NRG1: variants seen among roughly 807,000 people sequenced by gnomAD.
NRG1 encodes the protein neuregulin 1.
A neutral mutation model predicts 63.8 loss-of-function variants in NRG1; 18 were observed. That is an observed-to-expected ratio of 0.28 (90% CI 0.19 to 0.42). The LOEUF is 0.42. Among genes scored for constraint, NRG1 ranks in the 10% least tolerant of loss-of-function variants. NRG1 has a pLI of 1.00. For synonymous variants in NRG1, 302 were observed against 301.3 expected (o/e 1.00, Z -0.02); for missense variants, 762 against 814.7 (o/e 0.94, Z 0.79).
chr8:31,658,020 G>A (rs1268042567), intron 1 of NRG1, among the ~76,000 whole-genome samples: 1 of 152,186 alleles, frequency 6.6e-6, no homozygotes, highest in Non-Finnish European at 1.5e-5. Context: ...AGTGCCTATA[G>A]GTAGATGAGT....
intron 1 of NRG1, among the ~76,000 whole-genome samples, chr8:32,398,124 A>G (rs989247641): frequency 1.3e-5 from 2 of 152,244 alleles, no homozygotes; most frequent in Middle Eastern, 3.2e-3. Context: ...ACTATTTCAC[A>G]GAATTTCCTT....
chr8:32,293,239 C>G lies in NRG1; in HGVS notation c.38-302589C>G, dbSNP rs994673854. Reference sequence around the variant, plus strand: ...TAGTTAAGGATCCCCAGAGGAGGAGCTTAATCTAAATTATGAATGTAGTAA... The same window carrying G: ...TAGTTAAGGATCCCCAGAGGAGGAGGTTAATCTAAATTATGAATGTAGTAA... On this transcript the variant is annotated intron_variant, in intron 1 of 10. Coordinates refer to the NRG1 transcript ENST00000519301. 1.1e-4 allele frequency among the ~76,000 whole-genome samples: 16 copies of G among 152,212 alleles called. No individual in the cohort carries two copies. In the East Asian group the frequency reaches 2.5e-3, roughly 24 times the overall value.
intron 5 of NRG1, among the ~76,000 whole-genome samples, chr8:32,713,061 T>A (rs1818207714): frequency 6.6e-6 from 1 of 152,178 alleles, no homozygotes; most frequent in Non-Finnish European, 1.5e-5. Context: ...AGTCATCTTT[T>A]CTCTTTCGAC....
rs185036312 is a variant in NRG1, at chr8:32,345,751, T to G, written c.38-250077T>G. Among the ~76,000 whole-genome samples, 266 of 152,066 alleles carry G rather than the reference T, an allele frequency of 1.7e-3. 3 individuals carry two copies. The Middle Eastern group carries it at 0.024, about 14-fold the overall frequency. On this transcript the variant is annotated intron_variant, in intron 1 of 10. Transcript: ENST00000519301. ...TAGCGAGACTGAGGCGGGTGGATCA[T>G]TTGAGGTCAGGAGTTCGAGACCAGC...
intron 1 of NRG1, among the ~76,000 whole-genome samples, chr8:32,172,001 G>T (rs1015518379): frequency 1.3e-5 from 2 of 152,106 alleles, no homozygotes; most frequent in African/African-American, 4.8e-5. Flanking sequence ...GAGAGTAGTG[G>T]TTCTCCCAGC....
At chr8:31,856,053 CT>C (rs1263752847) in intron 1 of NRG1, among the ~76,000 whole-genome samples, 2 of 151,214 alleles carry the variant, frequency 1.3e-5, no homozygotes, top group African/African-American at 4.9e-5. Context: ...ACATTTTTTC[CT>C]TCATTTCAAC....
intron 1 of NRG1, among the ~76,000 whole-genome samples, chr8:31,794,866 A>T (rs1821053402): frequency 6.6e-6 from 1 of 152,106 alleles, no homozygotes; most frequent in Admixed American, 6.6e-5. Flanking sequence ...GCAGCAGCAC[A>T]ATCTCAGCTC....
intron 5 of NRG1, among the ~76,000 whole-genome samples, chr8:32,645,989 G>T (rs1048562061): frequency 2.0e-5 from 3 of 152,182 alleles, no homozygotes; most frequent in African/African-American, 7.2e-5. Context: ...AGTACTTTCA[G>T]TGCGGTGATA....
intron 1 of NRG1, among the ~76,000 whole-genome samples, chr8:32,399,719 G>A (rs904241569): frequency 1.2e-4 from 18 of 152,130 alleles, no homozygotes; most frequent in Admixed American, 5.2e-4. Context: ...AAAAGTTTTG[G>A]GTGAAAAGTA....
intron 1 of NRG1, among the ~76,000 whole-genome samples, chr8:31,921,879 G>T (rs1585779367): frequency 6.6e-6 from 1 of 151,996 alleles, no homozygotes; most frequent in Non-Finnish European, 1.5e-5. Context: ...TACATAATAT[G>T]CATGTCCCCT....
At chr8:32,517,572 T>C (rs1462437644) in intron 1 of NRG1, among the ~76,000 whole-genome samples, 1 of 152,148 alleles carries the variant, frequency 6.6e-6, no homozygotes, top group Admixed American at 6.6e-5. Context: ...TTAATAAGTA[T>C]TACATGTCTA....
chr8:32,633,746 G>A (rs560647742), intron 5 of NRG1, among the ~76,000 whole-genome samples: 4 of 152,162 alleles, frequency 2.6e-5, no homozygotes, highest in African/African-American at 9.6e-5. Flanking sequence ...TCTTTCCCCA[G>A]TGCCTTCCTT....
intron 1 of NRG1, among the ~76,000 whole-genome samples, chr8:32,065,857 G>A (rs1824708841): frequency 1.3e-5 from 2 of 152,184 alleles, no homozygotes. Flanking sequence ...GTTGTTTACT[G>A]ACTTTTTAAT....
chr8:32,678,595 A>G (rs1409968325), intron 5 of NRG1, among the ~76,000 whole-genome samples: 1 of 152,214 alleles, frequency 6.6e-6, no homozygotes, highest in East Asian at 1.9e-4. Flanking sequence ...CTCTCATTAT[A>G]TACAAGGCTT....
At chr8:32,198,715 A>C (rs1366830165) in intron 1 of NRG1, among the ~76,000 whole-genome samples, 1 of 152,180 alleles carries the variant, frequency 6.6e-6, no homozygotes, top group African/African-American at 2.4e-5. Flanking sequence ...TCATATCCAA[A>C]GCTCTAATCA....
At chr8:31,880,205 T>C (rs1407001061) in intron 1 of NRG1, among the ~76,000 whole-genome samples, 1 of 152,160 alleles carries the variant, frequency 6.6e-6, no homozygotes, top group Non-Finnish European at 1.5e-5. Context: ...TCAAATGTAT[T>C]CATGACATAA....
At chr8:32,106,974 G>A (rs921491506) in intron 1 of NRG1, among the ~76,000 whole-genome samples, 1 of 152,140 alleles carries the variant, frequency 6.6e-6, no homozygotes, top group African/African-American at 2.4e-5. Context: ...TGTAATCCCA[G>A]TACTTTGCCC....
intron 1 of NRG1, among the ~76,000 whole-genome samples, chr8:32,283,658 A>T (rs1431731593): frequency 6.6e-6 from 1 of 152,196 alleles, no homozygotes; most frequent in Non-Finnish European, 1.5e-5. Flanking sequence ...TTTTTCTTCT[A>T]TTAGAGTTTC....
chr8:32,411,060 G>C (rs918374136), intron 1 of NRG1, among the ~76,000 whole-genome samples: 11 of 152,182 alleles, frequency 7.2e-5, no homozygotes, highest in African/African-American at 2.6e-4. Context: ...GTTTGTAGTA[G>C]AGACAGGGTT....
Sources: gnomAD v4.1 joint callset for allele counts (sites outside exome capture counted in the v4.1 genomes callset) on GRCh38, gnomAD v4.1.1 for gene constraint, MANE v1.5 for transcripts, NCBI Gene and HGNC (gene_info 2026-07-23, HGNC 2026-07-21) for gene names.